Variants in MAPT observed in about 807,000 individuals in gnomAD.
MAPT encodes microtubule associated protein tau.
A neutral mutation model predicts 67.9 loss-of-function variants in MAPT; 34 were observed. The observed-to-expected ratio is 0.50, with a 90% CI of 0.38 to 0.67. MAPT has a LOEUF of 0.67. Ranked by LOEUF, MAPT falls within the 30% of genes least tolerant of loss-of-function variation. The pLI is 0.00. For missense variants in MAPT, 881 were observed against 1,115.2 expected (o/e 0.79, Z 2.99); for synonymous variants, 456 against 464.5 (o/e 0.98, Z 0.23).
At chr17:45,960,931 TTTTTAC>T in intron 1 of MAPT, among the ~76,000 whole-genome samples, 1 of 152,274 alleles carries the variant, frequency 6.6e-6, no homozygotes, top group East Asian at 1.9e-4. Flanking sequence ...GCACATCCGA[TTTTTAC>T]TTTTACTTTC....
At chr17:45,984,490 G>A (rs189452419) in intron 5 of MAPT, among the ~76,000 whole-genome samples, 2 of 152,382 alleles carry the variant, frequency 1.3e-5, no homozygotes, top group East Asian at 3.9e-4. Flanking sequence ...GTGCTGGAGT[G>A]TGGACGCCTA....
rs541254695 is a variant in MAPT at position 46,008,963 on chromosome 17, C to T, written c.1999-1347C>T. Among the ~76,000 whole-genome samples, 12 of 152,256 alleles carry T rather than the reference C, an allele frequency of 7.9e-5. No individual in the cohort carries two copies. The South Asian group carries it at 8.3e-4, about 11-fold the overall frequency. ...ACGCTTGTAATCGGCTTTGGGAAGCCGAGGTGGGCTGATTGCTTGAGCCCA... is the reference window on the plus strand; with the variant it reads ...ACGCTTGTAATCGGCTTTGGGAAGCTGAGGTGGGCTGATTGCTTGAGCCCA... On this transcript the variant is annotated intron_variant, in intron 9 of 12. Transcript: ENST00000262410.
Position 45,983,278 on chromosome 17 carries a change from C to A in MAPT, c.699C>A (p.Leu233=). The change falls in exon 5 of 13, where the codon CTC becomes CTA. Residue 233 remains leucine (L), a synonymous_variant. Coordinates refer to ENST00000262410, the MANE Select transcript of MAPT (RefSeq NM_001377265.1). ...TGTCCGGCATGCCTGGGGCTCCCCTCCTGCCTGAGGGCCCCAGAGAGGCCA... is the reference window on the plus strand; with the variant it reads ...TGTCCGGCATGCCTGGGGCTCCCCTACTGCCTGAGGGCCCCAGAGAGGCCA... ...QLMSGMPGAP[L]LPEGPREATR... The A allele has an allele frequency of 6.3e-7, 1 of 1,599,186 alleles. No homozygotes were observed. The highest frequency in any genetic ancestry group is 8.5e-7 in the Non-Finnish European group (1 of 1,173,262).
chr17:45,910,754 C>G (rs2064727220), intron 1 of MAPT: 1 of 151,016 alleles, frequency 6.6e-6, no homozygotes, highest in Non-Finnish European at 1.5e-5. Context: ...GTCATGGGGG[C>G]AGGAGGCAGC....
chr17:45,999,473 T>C lies in MAPT; in HGVS notation c.1998+2809T>C, dbSNP rs771260339. The C allele has an allele frequency of 2.2e-5, 35 of 1,613,852 alleles. No individual in the cohort carries two copies. The Admixed American group carries it at 5.8e-4, about 27-fold the overall frequency. Reference sequence around the variant, plus strand: ...CTGTTGACCCTGAGTTCATCTGAGGTTGGCTTGGAAGGTGTGGGCACCATT... The same window carrying C: ...CTGTTGACCCTGAGTTCATCTGAGGCTGGCTTGGAAGGTGTGGGCACCATT... On this transcript the variant is annotated intron_variant, in intron 9 of 12. Transcript: ENST00000262410.
intron 1 of MAPT, among the ~76,000 whole-genome samples, chr17:45,916,495 C>G (rs1036101561): frequency 1.3e-5 from 2 of 152,220 alleles, no homozygotes; most frequent in African/African-American, 2.4e-5. Flanking sequence ...GCCTTCCTGA[C>G]AGTCACCCCA....
At chr17:45,993,847 C>T (rs2074262192) in intron 8 of MAPT, 2 of 1,440,128 alleles carry the variant, frequency 1.4e-6, no homozygotes, top group Non-Finnish European at 1.9e-6. Flanking sequence ...GCTGTGGGTG[C>T]CTGCCACGTG....
rs1189521140 is a variant in MAPT, at chr17:45,915,853, T to A, written c.-18+21167T>A. Among the ~76,000 whole-genome samples, 1 of 152,180 alleles carries A rather than the reference T, an allele frequency of 6.6e-6. No individual in the cohort carries two copies. The highest frequency in any genetic ancestry group is 6.5e-5 in the Admixed American group (1 of 15,288). On this transcript the variant is annotated intron_variant, in intron 1 of 12. Coordinates refer to ENST00000262410, the MANE Select transcript of MAPT (RefSeq NM_001377265.1). This position sits in a 1 kb window ranked among gnomAD's most constrained non-coding sequence, Gnocchi z 4.4. ...CTGAGGTGAGGCTGACTGATGTCAT[T>A]TGACGATCTTGATGCCAAATCCTTT...
At chr17:45,999,711 G>C (rs769290713) in intron 9 of MAPT, 7 of 1,480,098 alleles carry the variant, frequency 4.7e-6, no homozygotes, top group Middle Eastern at 1.8e-4. Flanking sequence ...ACCATGCTGG[G>C]TGGAGGCAGC....
chr17:45,914,310 A>G (rs2065021581), intron 1 of MAPT, among the ~76,000 whole-genome samples: 1 of 136,460 alleles, frequency 7.3e-6, no homozygotes, highest in Non-Finnish European at 1.7e-5. Context: ...ACAGCACCTC[A>G]GCTTCCAAGA....
chr17:45,952,750 G>A (rs958167113), intron 1 of MAPT, among the ~76,000 whole-genome samples: 15 of 152,160 alleles, frequency 9.9e-5, no homozygotes, highest in African/African-American at 3.6e-4. Context: ...TGGTTTGGGC[G>A]GCAAAGAACC....
At position 46,023,963 on chromosome 17, in the gene MAPT, C is replaced by T. The variant is rs1479420078; in HGVS notation, c.2294C>T (p.Thr765Ile). The T allele has an allele frequency of 6.2e-7, 1 of 1,613,838 alleles. No individual in the cohort carries two copies. The highest frequency in any genetic ancestry group is 1.3e-5 in the African/African-American group (1 of 74,920). Residue 765 changes from threonine (T) to isoleucine (I), a missense_variant, in exon 13 of 13, where the codon ACC becomes ATC. By Grantham distance (89) the Thr-to-Ile change is moderately conservative (BLOSUM62 -1). This residue lies in a region of MAPT where 79 missense variants were observed against 150.9 expected (regional missense o/e 0.52). Transcript: ENST00000262410. ...CCCTTCCTCTTCTTGCAGATTGAAA[C>T]CCACAAGCTGACCTTCCGCGAGAAC... is the stretch of plus-strand genomic sequence containing the variant. Reference protein sequence around the residue: ...VPGGGNKKIETHKLTFRENAK... With the variant: ...VPGGGNKKIEIHKLTFRENAK...
At chr17:45,903,806 A>AAT (rs1468760496) in intron 1 of MAPT, among the ~76,000 whole-genome samples, 1 of 41,088 alleles carries the variant, frequency 2.4e-5, no homozygotes, top group Non-Finnish European at 4.7e-5. Flanking sequence ...ATATTTATAT[A>AAT]ATATAATATA....
rs371295124 is a variant in MAPT, at chr17:45,983,137, G to C, written c.558G>C (p.Pro186=). ...GCGGGGACTGGGCCGAGAAGGGTCC[G>C]GCCTTTCCGAAGCCCGCCACCACTG... ...QKGGDWAEKG[P]AFPKPATTAY... Residue 186 remains proline (P), a synonymous_variant, in exon 5 of 13, where the codon CCG becomes CCC. Transcript: ENST00000262410. The C allele has an allele frequency of 1.3e-6, 2 of 1,588,140 alleles. No homozygotes were observed. The highest frequency in any genetic ancestry group is 1.7e-6 in the Non-Finnish European group (2 of 1,166,666).
chr17:46,022,936 T>C (rs2076622079), intron 12 of MAPT, among the ~76,000 whole-genome samples: 1 of 152,184 alleles, frequency 6.6e-6, no homozygotes, highest in Non-Finnish European at 1.5e-5. Flanking sequence ...GATAGATAAG[T>C]CGCTAGACAG....
chr17:45,985,606 G>A (rs1229601664), intron 5 of MAPT: 1 of 854,994 alleles, frequency 1.2e-6, no homozygotes, highest in South Asian at 5.3e-5. Flanking sequence ...CCTCTGAGAA[G>A]GTCACAGAGT....
intron 1 of MAPT, among the ~76,000 whole-genome samples, chr17:45,944,142 A>G (rs963471797): frequency 6.6e-6 from 1 of 152,148 alleles, no homozygotes; most frequent in Non-Finnish European, 1.5e-5. Flanking sequence ...ATTTTTTTCT[A>G]GTGACAATCA....
chr17:45,904,358 A>T (rs2064134338), intron 1 of MAPT, among the ~76,000 whole-genome samples: 1 of 88,636 alleles, frequency 1.1e-5, no homozygotes, highest in Non-Finnish European at 2.3e-5. Flanking sequence ...TATATATATT[A>T]TATATATTAA....
rs537929100 is a variant in MAPT, at chr17:45,943,078, G to A, written c.-17-19243G>A. Among the ~76,000 whole-genome samples the A allele has an allele frequency of 1.1e-4, 17 of 152,242 alleles. No individual in the cohort carries two copies. In the East Asian group the frequency reaches 2.7e-3, roughly 24 times the overall value. The stretch of plus-strand genomic sequence containing the variant: ...ATGGCACTTCTCTTTTTTTGAGACA[G>A]AATCTCACTCTGTCACCCTGGCTGG... On this transcript the variant is annotated intron_variant, in intron 1 of 12. Transcript: ENST00000262410.
Sources: gnomAD v4.1 joint callset for allele counts (sites outside exome capture counted in the v4.1 genomes callset) on GRCh38, gnomAD v4.1.1 for gene constraint, gnomAD v4.1.1 regional missense constraint, Gnocchi (gnomAD v3.1) non-coding constraint, MANE v1.5 for transcripts, NCBI Gene and HGNC (gene_info 2026-07-23, HGNC 2026-07-21) for gene names.